PPP1R1C: variants seen among roughly 807,000 people sequenced by gnomAD.
PPP1R1C encodes protein phosphatase 1 regulatory inhibitor subunit 1C.
PPP1R1C carries 15 observed loss-of-function variants against 17.4 expected under a neutral mutation model. The ratio of observed to expected loss-of-function variants is 0.86; its 90% confidence interval spans 0.58 to 1.33. The LOEUF is 1.33. Ranked by LOEUF, PPP1R1C falls within the 40% of genes most tolerant of loss-of-function variation. PPP1R1C has a pLI of 0.00. For missense variants in PPP1R1C, 143 were observed against 130.0 expected (o/e 1.10, Z -0.48); for synonymous variants, 35 against 43.1 (o/e 0.81, Z 0.73).
intron 2 of PPP1R1C, among the ~76,000 whole-genome samples, chr2:182,011,781 T>C (rs1686093844): frequency 6.6e-6 from 1 of 152,062 alleles, no homozygotes; most frequent in Non-Finnish European, 1.5e-5. Flanking sequence ...GTACTGTTTT[T>C]GCTGTATCCC....
rs535172003 is a variant in PPP1R1C at position 182,084,884 on chromosome 2, G to T, written c.241+21093G>T. Among the ~76,000 whole-genome samples the T allele has an allele frequency of 5.3e-5, 8 of 152,168 alleles. No homozygotes were observed. The South Asian group carries it at 1.7e-3, about 32-fold the overall frequency. ...CACAATATTGATTCTTCTAATTCAT[G>T]AGCATGAGATGTATTTCCATTTGTT... On this transcript the variant is annotated intron_variant, in intron 4 of 4. Transcript: ENST00000682840.
chr2:182,085,446 T>C (rs999522829), intron 4 of PPP1R1C, among the ~76,000 whole-genome samples: 7 of 152,132 alleles, frequency 4.6e-5, no homozygotes, highest in Admixed American at 3.3e-4. Context: ...TTACAAATTT[T>C]TTTCTAAAAT....
rs185407845 is a variant in PPP1R1C, at chr2:182,086,529, A to T, written c.241+22738A>T. Among the ~76,000 whole-genome samples, 185 of 152,284 alleles carry T rather than the reference A, an allele frequency of 1.2e-3. 1 individual carries two copies. Among genetic ancestry groups the T allele is most frequent in the African/African-American group, 4.3e-3 (177 of 41,576 alleles). On this transcript the variant is annotated intron_variant, in intron 4 of 4. Transcript: ENST00000682840. Reference sequence around the variant, plus strand: ...CATTTATGAATCTGTTATAAATGTGATGTGAGGAAATTGCATACCAGAAAA... The same window carrying T: ...CATTTATGAATCTGTTATAAATGTGTTGTGAGGAAATTGCATACCAGAAAA...
upstream of PPP1R1C, among the ~76,000 whole-genome samples, chr2:181,984,037 T>C (rs1311105730): frequency 6.6e-6 from 1 of 152,224 alleles, no homozygotes; most frequent in Non-Finnish European, 1.5e-5. Context: ...GAAATTTCAC[T>C]TTATCACCTA....
chr2:182,040,772 A>C (rs936384131), intron 2 of PPP1R1C, among the ~76,000 whole-genome samples: 1 of 152,098 alleles, frequency 6.6e-6, no homozygotes, highest in African/African-American at 2.4e-5. Flanking sequence ...ATCTTATAGA[A>C]TTTTTATGGC....
chr2:182,078,970 T>C (rs1688394742), intron 4 of PPP1R1C, among the ~76,000 whole-genome samples: 1 of 152,208 alleles, frequency 6.6e-6, no homozygotes, highest in Non-Finnish European at 1.5e-5. Flanking sequence ...TCATATAAAA[T>C]ACATAGTTTT....
chr2:181,997,742 T>C (rs766020764), intron 2 of PPP1R1C, among the ~76,000 whole-genome samples: 1 of 152,192 alleles, frequency 6.6e-6, no homozygotes, highest in Non-Finnish European at 1.5e-5. Flanking sequence ...GTATTATAAT[T>C]AGATGTAGAA....
At chr2:181,972,853 A>G (rs146979660) in intron 1 of PPP1R1C, among the ~76,000 whole-genome samples, 23 of 152,264 alleles carry the variant, frequency 1.5e-4, no homozygotes, top group African/African-American at 5.5e-4. Flanking sequence ...ATTTTGTTCC[A>G]TGACTCATTA....
chr2:182,070,265 A>C (rs757428160), intron 4 of PPP1R1C, among the ~76,000 whole-genome samples: 2 of 152,230 alleles, frequency 1.3e-5, no homozygotes, highest in Non-Finnish European at 2.9e-5. Flanking sequence ...CCTCCTGCTC[A>C]TGCACACTTG....
At chr2:182,083,827 C>T (rs958806184) in intron 4 of PPP1R1C, among the ~76,000 whole-genome samples, 1 of 152,060 alleles carries the variant, frequency 6.6e-6, no homozygotes, top group Admixed American at 6.6e-5. Context: ...ATTAGTTCTT[C>T]GAGAAATCTC....
chr2:182,115,358 C>T (rs537759576), intron 4 of PPP1R1C, among the ~76,000 whole-genome samples: 2 of 152,212 alleles, frequency 1.3e-5, no homozygotes, highest in South Asian at 4.2e-4. Flanking sequence ...CTCATTCATA[C>T]CCTCATTAAT....
chr2:182,066,354 T>C (rs1687982812), intron 4 of PPP1R1C, among the ~76,000 whole-genome samples: 1 of 152,150 alleles, frequency 6.6e-6, no homozygotes, highest in Admixed American at 6.6e-5. Flanking sequence ...ATTCATTCTA[T>C]TTTCAGCTAT....
intron 2 of PPP1R1C, among the ~76,000 whole-genome samples, chr2:182,033,362 CA>C (rs1686903284): frequency 6.6e-6 from 1 of 152,122 alleles, no homozygotes; most frequent in Non-Finnish European, 1.5e-5. Context: ...TGTCTTGAGC[CA>C]AAAATATTGC....
At chr2:181,998,754 G>A (rs1029312463) in intron 2 of PPP1R1C, among the ~76,000 whole-genome samples, 3 of 152,252 alleles carry the variant, frequency 2.0e-5, no homozygotes, top group African/African-American at 2.4e-5. Flanking sequence ...AAAGATTTCC[G>A]ATCAACTAGG....
At chr2:182,093,777 A>C (rs2125222862) in intron 4 of PPP1R1C, among the ~76,000 whole-genome samples, 1 of 152,258 alleles carries the variant, frequency 6.6e-6, no homozygotes, top group East Asian at 1.9e-4. Context: ...TAAGTTCCTC[A>C]TTTCCATCTG....
intron 1 of PPP1R1C, among the ~76,000 whole-genome samples, chr2:181,956,801 A>G (rs1050817531): frequency 6.6e-6 from 1 of 152,164 alleles, no homozygotes; most frequent in South Asian, 2.1e-4. Context: ...ATATTTTTGC[A>G]TGTGTTTAAA....
chr2:181,962,012 T>A lies in PPP1R1C; in HGVS notation n.111+7378T>A. On this transcript the variant is annotated intron_variant and non_coding_transcript_variant, in intron 1 of 5. Coordinates refer to the PPP1R1C transcript ENST00000464264. The surrounding 1 kb of genome is among the most constrained non-coding windows in gnomAD (Gnocchi z 6.0). ...AAAGTCATCGGCTGCAAGACAGGCA[T>A]TGTCAATCTGCAAAACGATGCCGGC... The A allele has an allele frequency of 1.4e-6, 1 of 730,026 alleles. No homozygotes were observed. The highest frequency in any genetic ancestry group is 2.5e-6 in the Non-Finnish European group (1 of 394,748). 45.2% of individuals were successfully genotyped at this position (730,026 alleles called of 1,614,324 possible).
chr2:182,013,795 GC>G, intron 2 of PPP1R1C, among the ~76,000 whole-genome samples: 1 of 152,154 alleles, frequency 6.6e-6, no homozygotes, highest in South Asian at 2.1e-4. Context: ...TCTTTCTGCT[GC>G]TTGATCAGTT....
At chr2:181,978,026 A>G (rs1685124453) in intron 2 of PPP1R1C, among the ~76,000 whole-genome samples, 2 of 152,182 alleles carry the variant, frequency 1.3e-5, no homozygotes, top group African/African-American at 4.8e-5. Flanking sequence ...ATGGTTTCAC[A>G]TGGCTGGGGA....
Sources: allele counts gnomAD v4.1 joint callset (sites outside exome capture counted in the v4.1 genomes callset), GRCh38; gene constraint gnomAD v4.1.1; non-coding constraint Gnocchi (gnomAD v3.1); transcripts MANE v1.5; gene names NCBI Gene and HGNC (gene_info 2026-07-23, HGNC 2026-07-21).